Variants in STXBP6 observed in about 807,000 individuals in gnomAD.
The protein encoded by STXBP6 is syntaxin-binding protein 6.
STXBP6 carries 21 observed loss-of-function variants against 26.9 expected under a neutral mutation model. The ratio of observed to expected loss-of-function variants is 0.78; its 90% CI spans 0.55 to 1.12. The LOEUF (loss-of-function observed/expected upper bound fraction) is 1.12. Ranked by LOEUF, STXBP6 falls within the 50% of genes most tolerant of loss-of-function variation. The probability of loss-of-function intolerance (pLI) is 0.00; values close to 1 mark genes in which losing one functional copy is unlikely to be tolerated. For synonymous variants in STXBP6, 97 were observed against 92.6 expected (o/e 1.05, Z -0.27); for missense variants, 232 against 257.9 (o/e 0.90, Z 0.69).
intron 1 of STXBP6, among the ~76,000 whole-genome samples, chr14:25,047,731 T>C (rs1051346800): frequency 1.3e-5 from 2 of 152,210 alleles, no homozygotes; most frequent in African/African-American, 4.8e-5. Context: ...GTGTGAACCC[T>C]TTTTAACTGA....
chr14:25,022,001 T>C (rs925091983), intron 1 of STXBP6, among the ~76,000 whole-genome samples: 1 of 152,190 alleles, frequency 6.6e-6, no homozygotes, highest in African/African-American at 2.4e-5. Flanking sequence ...ATGCTCCAAC[T>C]AGAACAAGTT....
At chr14:25,016,827 G>A (rs1203462185) in intron 1 of STXBP6, among the ~76,000 whole-genome samples, 2 of 152,148 alleles carry the variant, frequency 1.3e-5, no homozygotes, top group Non-Finnish European at 2.9e-5. Flanking sequence ...GAGATGGCAT[G>A]GCTTCACACA....
chr14:24,828,555 T>C (rs981423705), intron 4 of STXBP6, among the ~76,000 whole-genome samples: 1 of 152,166 alleles, frequency 6.6e-6, no homozygotes, highest in Non-Finnish European at 1.5e-5. Context: ...TCTGTGTGAG[T>C]AGCAATGGGC....
chr14:24,857,302 A>C, intron 2 of STXBP6, 145 bp from the exon 3 acceptor site: 1 of 1,059,406 alleles, frequency 9.4e-7, no homozygotes, highest in Non-Finnish European at 1.4e-6. Context: ...ATATGAATAA[A>C]TATGTGTGCC....
At chr14:24,921,192 TTG>T (rs986665325) in intron 2 of STXBP6, among the ~76,000 whole-genome samples, 40 of 152,196 alleles carry the variant, frequency 2.6e-4, no homozygotes, top group African/African-American at 9.2e-4. Flanking sequence ...AAGGAAGTAT[TTG>T]TAAAGTAATT....
chr14:24,876,403 C>T (rs1415577991), intron 2 of STXBP6, among the ~76,000 whole-genome samples: 3 of 152,150 alleles, frequency 2.0e-5, no homozygotes, highest in Non-Finnish European at 2.9e-5. Context: ...ATCTTGTTTC[C>T]TGGCCTCAAC....
chr14:25,028,780 G>A (rs896366997), intron 1 of STXBP6, among the ~76,000 whole-genome samples: 1 of 152,082 alleles, frequency 6.6e-6, no homozygotes, highest in African/African-American at 2.4e-5. Flanking sequence ...CATTCTAGAT[G>A]CCTTTACAAA....
intron 1 of STXBP6, among the ~76,000 whole-genome samples, chr14:24,981,774 A>G (rs546414824): frequency 5.9e-5 from 9 of 152,316 alleles, no homozygotes; most frequent in South Asian, 2.1e-4. Flanking sequence ...ATCCATTTTT[A>G]AGAAAAAATC....
chr14:24,873,765 T>C (rs2070030126), intron 2 of STXBP6, among the ~76,000 whole-genome samples: 1 of 152,138 alleles, frequency 6.6e-6, no homozygotes, highest in African/African-American at 2.4e-5. Context: ...CAGATGAAAA[T>C]CCACACCCTG....
At position 24,978,286 on chromosome 14, in the gene STXBP6, CA is replaced by C. The variant is rs557291680; in HGVS notation, c.-32-3437del. 6.0e-4 allele frequency among the ~76,000 whole-genome samples: 91 copies of C among 152,350 alleles called. 1 individual carries two copies. The highest frequency in any genetic ancestry group is 2.1e-3 in the African/African-American group (87 of 41,590). On this transcript the variant is annotated intron_variant, in intron 1 of 5. Coordinates refer to ENST00000323944, the MANE Select transcript of STXBP6 (RefSeq NM_001394410.1). The stretch of plus-strand genomic sequence containing the variant: ...TAAACAACTCTAACTGGTTCTCATG[CA>C]GCCATGCAGTCATTCTGCCACCTAA...
chr14:24,921,516 A>G (rs1446216793), intron 2 of STXBP6, among the ~76,000 whole-genome samples: 5 of 152,166 alleles, frequency 3.3e-5, no homozygotes, highest in African/African-American at 7.2e-5. Context: ...CTCGTTTAGC[A>G]TTCCTTTTGT....
At chr14:25,014,488 A>T (rs1446880005) in intron 1 of STXBP6, among the ~76,000 whole-genome samples, 1 of 152,186 alleles carries the variant, frequency 6.6e-6, no homozygotes, top group Non-Finnish European at 1.5e-5. Context: ...AAAATAAAAT[A>T]AAAATTAAAA....
intron 5 of STXBP6, chr14:24,817,319 A>C (rs1465718982): frequency 6.6e-6 from 1 of 152,252 alleles, no homozygotes; most frequent in Non-Finnish European, 1.5e-5. Flanking sequence ...GACGACATCC[A>C]GGTATTGTCT....
At chr14:24,927,477 C>T (rs1030181858) in intron 2 of STXBP6, among the ~76,000 whole-genome samples, 2 of 152,172 alleles carry the variant, frequency 1.3e-5, no homozygotes, top group Admixed American at 6.5e-5. Flanking sequence ...CATATTTGTG[C>T]TCAAAATCCT....
intron 2 of STXBP6, among the ~76,000 whole-genome samples, chr14:24,951,474 GTGA>G (rs2140059714): frequency 6.6e-6 from 1 of 152,286 alleles, no homozygotes; most frequent in African/African-American, 2.4e-5. Flanking sequence ...CTAATGACCA[GTGA>G]TGATGAGCTT....
At chr14:25,035,344 C>A (rs539504955) in intron 1 of STXBP6, among the ~76,000 whole-genome samples, 1 of 152,098 alleles carries the variant, frequency 6.6e-6, no homozygotes. Context: ...AGGATGTGGG[C>A]GGTCCTTTAC....
intron 2 of STXBP6, among the ~76,000 whole-genome samples, chr14:24,931,521 G>C (rs1265270367): frequency 6.6e-6 from 1 of 152,042 alleles, no homozygotes; most frequent in Non-Finnish European, 1.5e-5. Flanking sequence ...TTTCTTTTTG[G>C]GGAAGCAAAA....
intron 1 of STXBP6, among the ~76,000 whole-genome samples, chr14:25,006,441 A>T (rs79809729): frequency 6.6e-6 from 1 of 152,230 alleles, no homozygotes; most frequent in Non-Finnish European, 1.5e-5. Flanking sequence ...ATATAAAAAA[A>T]CTATGTTTCT....
At chr14:25,041,095 GT>G (rs1310481621) in intron 1 of STXBP6, among the ~76,000 whole-genome samples, 1 of 152,206 alleles carries the variant, frequency 6.6e-6, no homozygotes, top group Non-Finnish European at 1.5e-5. Context: ...GCCGAGGTGG[GT>G]GGATCACCTA....
Sources: allele counts gnomAD v4.1 joint callset (sites outside exome capture counted in the v4.1 genomes callset), GRCh38; gene constraint gnomAD v4.1.1; transcripts MANE v1.5; gene names NCBI Gene and HGNC (gene_info 2026-07-23, HGNC 2026-07-21).